The following KCNIP4 variants were observed in gnomAD, a reference collection of about 807,000 sequenced individuals.
The protein encoded by KCNIP4 is Kv channel-interacting protein 4.
A neutral mutation model predicts 34.0 loss-of-function variants in KCNIP4; 12 were observed. The ratio of observed to expected loss-of-function variants is 0.35; its 90% CI spans 0.23 to 0.57. The LOEUF (loss-of-function observed/expected upper bound fraction) is 0.57, where lower values mean the gene tolerates loss of function less well. KCNIP4 is among the 20% of genes least tolerant of loss of function. The pLI is 0.83. For missense variants in KCNIP4, 238 were observed against 311.7 expected (o/e 0.76, Z 1.78); for synonymous variants, 124 against 102.2 (o/e 1.21, Z -1.29).
chr4:21,516,744 G>A (rs896726248), intron 1 of KCNIP4, among the ~76,000 whole-genome samples: 5 of 152,122 alleles, frequency 3.3e-5, no homozygotes, highest in African/African-American at 9.7e-5. Context: ...TTGTATCTGA[G>A]AAGATTTTAG....
chr4:21,917,564 C>T (rs1728705094), intron 1 of KCNIP4, among the ~76,000 whole-genome samples: 1 of 152,190 alleles, frequency 6.6e-6, no homozygotes, highest in South Asian at 2.1e-4. Context: ...GACTTGACCA[C>T]ATCCAAAGAG....
At chr4:21,307,036 G>A (rs754060778) in intron 1 of KCNIP4, among the ~76,000 whole-genome samples, 4 of 152,076 alleles carry the variant, frequency 2.6e-5, no homozygotes, top group Admixed American at 1.3e-4. Flanking sequence ...TGGTGAGGCT[G>A]GTTTTGAACT....
chr4:21,658,473 T>C (rs574828001), intron 1 of KCNIP4, among the ~76,000 whole-genome samples: 1 of 152,122 alleles, frequency 6.6e-6, no homozygotes, highest in African/African-American at 2.4e-5. Flanking sequence ...TGGAGTGCAA[T>C]GGCACGATCT....
intron 1 of KCNIP4, among the ~76,000 whole-genome samples, chr4:21,371,511 C>G (rs1250722656): frequency 4.8e-5 from 7 of 146,520 alleles, no homozygotes; most frequent in Non-Finnish European, 8.8e-5. Flanking sequence ...GAGCATGATC[C>G]CTAATTTCTT....
At chr4:21,380,456 GGGGAGA>G (rs1192708699) in intron 1 of KCNIP4, among the ~76,000 whole-genome samples, 1 of 140,674 alleles carries the variant, frequency 7.1e-6, no homozygotes, top group Non-Finnish European at 1.5e-5. Context: ...AGAGGGAGAG[GGGGAGA>G]GAGAGAGAGA....
At chr4:21,414,875 G>T (rs1180724014) in intron 1 of KCNIP4, among the ~76,000 whole-genome samples, 1 of 151,754 alleles carries the variant, frequency 6.6e-6, no homozygotes, top group Non-Finnish European at 1.5e-5. Flanking sequence ...TTTTGATACG[G>T]GCATACAATG....
At chr4:21,126,159 C>T (rs555539360) in intron 1 of KCNIP4, among the ~76,000 whole-genome samples, 2 of 152,048 alleles carry the variant, frequency 1.3e-5, no homozygotes, top group East Asian at 1.9e-4. Context: ...ATAAACACAA[C>T]GTCAAAGATT....
chr4:21,397,547 T>A (rs973591185), intron 1 of KCNIP4, among the ~76,000 whole-genome samples: 1 of 152,206 alleles, frequency 6.6e-6, no homozygotes, highest in African/African-American at 2.4e-5. Flanking sequence ...GAACTTAAAA[T>A]TTTTTAAAAA....
chr4:21,652,434 A>T (rs1747572312), intron 1 of KCNIP4, among the ~76,000 whole-genome samples: 1 of 152,124 alleles, frequency 6.6e-6, no homozygotes, highest in Non-Finnish European at 1.5e-5. Flanking sequence ...GGGAGGTGGA[A>T]CACCCACTTA....
At chr4:20,875,456 G>A (rs1383854455) in intron 2 of KCNIP4, among the ~76,000 whole-genome samples, 1 of 152,138 alleles carries the variant, frequency 6.6e-6, no homozygotes, top group African/African-American at 2.4e-5. Flanking sequence ...ACTTAAAACT[G>A]TACCAGACAC....
At chr4:21,530,122 G>A (rs1736554032) in intron 1 of KCNIP4, among the ~76,000 whole-genome samples, 1 of 152,252 alleles carries the variant, frequency 6.6e-6, no homozygotes, top group Non-Finnish European at 1.5e-5. Flanking sequence ...TTTTCAGACA[G>A]TCTTATAGGG....
chr4:21,571,510 C>T (rs999195184), intron 1 of KCNIP4, among the ~76,000 whole-genome samples: 90 of 152,126 alleles, frequency 5.9e-4, no homozygotes, highest in African/African-American at 2.1e-3. Flanking sequence ...TAGACAAAAC[C>T]TCCACATAAA....
chr4:21,122,053 A>G (rs71607056), intron 1 of KCNIP4, among the ~76,000 whole-genome samples: 15 of 152,344 alleles, frequency 9.8e-5, no homozygotes, highest in South Asian at 2.1e-4. Context: ...GGGACAAAGT[A>G]TTAACTCTTT....
chr4:21,029,782 CT>C (rs1448741464), intron 1 of KCNIP4, among the ~76,000 whole-genome samples: 1 of 152,154 alleles, frequency 6.6e-6, no homozygotes, highest in Non-Finnish European at 1.5e-5. Context: ...GACCTTTATG[CT>C]CCTACACCAA....
At chr4:21,441,614 G>T (rs955448400) in intron 1 of KCNIP4, among the ~76,000 whole-genome samples, 2 of 151,850 alleles carry the variant, frequency 1.3e-5, no homozygotes, top group African/African-American at 2.4e-5. Flanking sequence ...TCCTCCCATG[G>T]GAAAAAATCA....
chr4:21,863,877 T>A (rs1725256219), intron 1 of KCNIP4, among the ~76,000 whole-genome samples: 1 of 152,218 alleles, frequency 6.6e-6, no homozygotes, highest in African/African-American at 2.4e-5. Context: ...ATCTATTATA[T>A]GTGAAGAGGC....
At chr4:21,868,758 T>C (rs1725580640) in intron 1 of KCNIP4, among the ~76,000 whole-genome samples, 1 of 152,104 alleles carries the variant, frequency 6.6e-6, no homozygotes. Flanking sequence ...GAAATACAAT[T>C]TAGAAAACAT....
intron 1 of KCNIP4, among the ~76,000 whole-genome samples, chr4:21,274,662 T>C (rs748045747): frequency 6.6e-6 from 1 of 152,182 alleles, no homozygotes; most frequent in Non-Finnish European, 1.5e-5. Context: ...GTGAATAATT[T>C]GGTAAATACA....
intron 1 of KCNIP4, among the ~76,000 whole-genome samples, chr4:21,795,755 T>C (rs1720581087): frequency 6.6e-6 from 1 of 152,132 alleles, no homozygotes; most frequent in African/African-American, 2.4e-5. Flanking sequence ...GAAACACACT[T>C]TCTTCTTTGA....
Sources: allele counts gnomAD v4.1 joint callset (sites outside exome capture counted in the v4.1 genomes callset), GRCh38; gene constraint gnomAD v4.1.1; transcripts MANE v1.5; gene names NCBI Gene and HGNC (gene_info 2026-07-23, HGNC 2026-07-21).